The following TMEM260 variants were observed in gnomAD, a reference collection of about 807,000 sequenced individuals.
TMEM260 encodes the protein transmembrane protein 260.
Under a neutral mutation model 88.9 loss-of-function variants are expected in TMEM260, and 82 were observed. The ratio of observed to expected loss-of-function variants is 0.92; its 90% confidence interval spans 0.77 to 1.11. TMEM260 has a LOEUF of 1.11. TMEM260 is among the 50% of genes least tolerant of loss of function. The pLI, the probability that TMEM260 is intolerant of heterozygous loss-of-function variation, is 0.00. For synonymous variants in TMEM260, 314 were observed against 309.3 expected (o/e 1.02, Z -0.16); for missense variants, 902 against 853.4 (o/e 1.06, Z -0.71).
At chr14:56,630,701 T>G (rs1464323633) in intron 12 of TMEM260, among the ~76,000 whole-genome samples, 1 of 152,222 alleles carries the variant, frequency 6.6e-6, no homozygotes, top group African/African-American at 2.4e-5. Flanking sequence ...TTGATTGTTT[T>G]TTCCCTTATG....
At chr14:56,614,643 G>A (rs1379345802) in intron 7 of TMEM260, among the ~76,000 whole-genome samples, 1 of 152,088 alleles carries the variant, frequency 6.6e-6, no homozygotes, top group Non-Finnish European at 1.5e-5. Flanking sequence ...GACCCTTAAA[G>A]GCCTCCTTTA....
At chr14:56,651,522 T>G (rs1234337756), downstream of TMEM260, among the ~76,000 whole-genome samples, 1 of 152,200 alleles carries the variant, frequency 6.6e-6, no homozygotes, top group African/African-American at 2.4e-5. Flanking sequence ...GTTCTCTGAC[T>G]CTTTGCTGCA....
chr14:56,593,083 G>A (rs770224180), intron 3 of TMEM260: 6 of 152,216 alleles, frequency 3.9e-5, no homozygotes, highest in Non-Finnish European at 5.9e-5. Flanking sequence ...GGTGTAAATT[G>A]TAACCTTGTG....
chr14:56,632,071 C>T (rs903662684), intron 12 of TMEM260, among the ~76,000 whole-genome samples: 1 of 152,138 alleles, frequency 6.6e-6, no homozygotes, highest in Non-Finnish European at 1.5e-5. Flanking sequence ...GTTAATTTTA[C>T]GAACTCTGTT....
Position 56,621,645 on chromosome 14 carries a change from C to G in TMEM260, c.1341C>G (p.Leu447=). 6.2e-7 allele frequency: 1 copy of G among 1,613,348 alleles called. No homozygotes were observed. Reference sequence around the variant, plus strand: ...GAGGAGATTTGCCAGGAAATTCTCTCCGTTACATGCATTACTGTGAGGGGT... The same window carrying G: ...GAGGAGATTTGCCAGGAAATTCTCTGCGTTACATGCATTACTGTGAGGGGT... ...LLRGDLPGNS[L]RYMHYCEGLR... The change falls in exon 11 of 16, where the codon CTC becomes CTG. Residue 447 remains leucine (L), a synonymous_variant. Coordinates refer to ENST00000261556, the MANE Select transcript of TMEM260 (RefSeq NM_017799.4).
downstream of TMEM260, chr14:56,649,950 G>A (rs1890169686): frequency 5.8e-6 from 2 of 343,936 alleles, no homozygotes; most frequent in Non-Finnish European, 1.1e-5. Context: ...AGTAAACTGA[G>A]CTGAGATTTA....
chr14:56,639,615 G>A (rs549293616), intron 15 of TMEM260, among the ~76,000 whole-genome samples: 27 of 152,282 alleles, frequency 1.8e-4, no homozygotes, highest in South Asian at 6.2e-4. Context: ...CTGAGGTACC[G>A]GGTTCATCTC....
chr14:56,617,114 G>A (rs1887637430), intron 8 of TMEM260, 69 bp from the exon 9 acceptor site: 1 of 932,194 alleles, frequency 1.1e-6, no homozygotes, highest in South Asian at 2.1e-5. Context: ...ATAGTTTAAA[G>A]TCCTGTGATA....
intron 6 of TMEM260, among the ~76,000 whole-genome samples, chr14:56,610,967 CTTTTTTTT>C (rs61185871): frequency 8.5e-6 from 1 of 118,018 alleles, no homozygotes; most frequent in Non-Finnish European, 1.7e-5. Context: ...TTCTTTCTTT[CTTTTTTTT>C]TTTTTTTTTG....
chr14:56,643,736 G>A (rs1415300645), intron 15 of TMEM260, among the ~76,000 whole-genome samples: 12 of 152,196 alleles, frequency 7.9e-5, no homozygotes, highest in Non-Finnish European at 2.9e-5. Flanking sequence ...GTTTGCAGAT[G>A]ACATGATTGT....
chr14:56,659,434 A>G, the TMEM260 span, among the ~76,000 whole-genome samples: 3 of 152,278 alleles, frequency 2.0e-5, no homozygotes, highest in African/African-American at 7.2e-5. Flanking sequence ...GCCAAAGGCC[A>G]CAGGCCTGCC....
chr14:56,662,124 C>A, the TMEM260 span, among the ~76,000 whole-genome samples: 1 of 152,204 alleles, frequency 6.6e-6, no homozygotes, highest in Admixed American at 6.5e-5. Context: ...TTGGCTTCTA[C>A]ATAGCTGCAG....
chr14:56,661,310 G>C, the TMEM260 span, among the ~76,000 whole-genome samples: 1 of 152,158 alleles, frequency 6.6e-6, no homozygotes, highest in African/African-American at 2.4e-5. Flanking sequence ...GAGAGGCGTG[G>C]GAAAATGAAA....
intron 3 of TMEM260, among the ~76,000 whole-genome samples, chr14:56,589,782 A>G (rs1885737769): frequency 6.6e-6 from 1 of 152,156 alleles, no homozygotes; most frequent in South Asian, 2.1e-4. Context: ...CTAAAAATTA[A>G]TTTGATTAAA....
chr14:56,614,234 A>AAT (rs1363844188), intron 7 of TMEM260, among the ~76,000 whole-genome samples: 7 of 150,722 alleles, frequency 4.6e-5, no homozygotes, highest in African/African-American at 1.7e-4. Flanking sequence ...AAAAAAAAAA[A>AAT]AAAGGCATGG....
chr14:56,585,076 T>C, intron 2 of TMEM260, 44 bp downstream of exon 2: 1 of 1,565,866 alleles, frequency 6.4e-7, no homozygotes, highest in Non-Finnish European at 8.7e-7. Flanking sequence ...TCATTAACAG[T>C]TTTAGGAATT....
chr14:56,646,887 A>G lies in TMEM260; in HGVS notation c.1870-356A>G, dbSNP rs145485548. 4.2e-3 allele frequency among the ~76,000 whole-genome samples: 632 copies of G among 151,898 alleles called. 14 individuals are homozygous for G. Among genetic ancestry groups the G allele is most frequent in the South Asian group, 0.033 (157 of 4,812 alleles). ...TTTGTTCTCCAACAGCTAAATTTAG[A>G]GTTTCAACCCTTCTGCCTGTTGAGT... is the stretch of plus-strand genomic sequence containing the variant. On this transcript the variant is annotated intron_variant, in intron 15 of 15. Transcript: ENST00000261556.
intron 3 of TMEM260, among the ~76,000 whole-genome samples, chr14:56,597,440 T>C (rs1886315219): frequency 6.6e-6 from 1 of 152,138 alleles, no homozygotes; most frequent in Non-Finnish European, 1.5e-5. Flanking sequence ...AACCCCGAAG[T>C]GGAGAAACAG....
downstream of TMEM260, chr14:56,650,028 A>C (rs2139667638): frequency 2.2e-6 from 1 of 445,484 alleles, no homozygotes; most frequent in Non-Finnish European, 4.5e-6. Context: ...AGGTGAGGTT[A>C]AACAAGTTGC....
Sources: allele counts gnomAD v4.1 joint callset (sites outside exome capture counted in the v4.1 genomes callset), GRCh38; gene constraint gnomAD v4.1.1; transcripts MANE v1.5; gene names NCBI Gene and HGNC (gene_info 2026-07-23, HGNC 2026-07-21).